OLFML2B: variants seen among roughly 807,000 people sequenced by gnomAD.
The protein encoded by OLFML2B is olfactomedin like 2B, also known as olfactomedin-like protein 2B.
Under a neutral mutation model 74.9 loss-of-function variants are expected in OLFML2B, and 57 were observed. The ratio of observed to expected loss-of-function variants is 0.76; its 90% CI spans 0.61 to 0.95. The LOEUF (loss-of-function observed/expected upper bound fraction) is 0.95, where lower values mean the gene tolerates loss of function less well. Among genes scored for constraint, OLFML2B ranks in the 40% least tolerant of loss-of-function variants. The probability of loss-of-function intolerance (pLI) is 0.00; values close to 1 mark genes in which losing one functional copy is unlikely to be tolerated. For missense variants in OLFML2B, 986 were observed against 970.6 expected, an observed-to-expected ratio of 1.02 and a Z score of -0.21; for synonymous variants, 388 against 405.8, an observed-to-expected ratio of 0.96 and a Z score of 0.53.
Position 162,023,595 on chromosome 1 carries a change from A to G in OLFML2B, c.-165T>C. ...TGAGCGGGACGGGAGGGTGCGCCCC[A>G]GAGACTCTGGGCATCTCCTTCCCGA... is the stretch of plus-strand genomic sequence containing the variant. On this transcript the variant is annotated 5_prime_UTR_variant, in exon 1 of 8. Transcript: ENST00000294794. 1 of 573,700 alleles carries G rather than the reference A, an allele frequency of 1.7e-6. No homozygotes were observed. Among genetic ancestry groups the G allele is most frequent in the Non-Finnish European group, 2.8e-6 (1 of 362,768 alleles). The allele number at this position is 573,700 out of a possible 1,614,324, so 35.5% of individuals were successfully genotyped here.
At chr1:161,985,532 T>C (rs1383850194) in intron 6 of OLFML2B, among the ~76,000 whole-genome samples, 1 of 152,204 alleles carries the variant, frequency 6.6e-6, no homozygotes, top group Admixed American at 6.5e-5. Context: ...AAATGTCTGA[T>C]CCCAGGGTGA....
In OLFML2B at chr1:161,983,631, G is replaced by T. The variant is rs1689488451; in HGVS notation, c.*44C>A. 6.4e-7 allele frequency: 1 copy of T among 1,573,880 alleles called. No individual in the cohort carries two copies. The highest frequency in any genetic ancestry group is 1.3e-5 in the African/African-American group (1 of 74,316). On this transcript the variant is annotated 3_prime_UTR_variant, in exon 8 of 8. Coordinates refer to ENST00000294794, the MANE Select transcript of OLFML2B (RefSeq NM_015441.3). ...GTGCGCGCACACACATACACACAAG[G>T]TGCTAGTGACCCCTCTGTGCTTCTG...
intron 4 of OLFML2B, among the ~76,000 whole-genome samples, chr1:162,005,014 C>T (rs908675541): frequency 1.3e-5 from 2 of 152,226 alleles, no homozygotes; most frequent in African/African-American, 4.8e-5. Flanking sequence ...TTGATCCAGA[C>T]CCATCTTGCT....
intron 3 of OLFML2B, among the ~76,000 whole-genome samples, chr1:162,016,418 C>T (rs546723076): frequency 1.1e-4 from 16 of 152,282 alleles, no homozygotes; most frequent in African/African-American, 3.6e-4. Flanking sequence ...AATCATAGAT[C>T]GAAGAACCTT....
At chr1:162,009,726 C>T (rs951084103) in intron 3 of OLFML2B, among the ~76,000 whole-genome samples, 34 of 152,156 alleles carry the variant, frequency 2.2e-4, no homozygotes, top group Admixed American at 6.5e-5. Flanking sequence ...AGCTGGTGTC[C>T]CCCAGGGCAG....
intron 1 of OLFML2B, among the ~76,000 whole-genome samples, chr1:162,020,907 C>T (rs943552697): frequency 9.2e-5 from 14 of 152,194 alleles, no homozygotes; most frequent in African/African-American, 3.4e-4. Context: ...ATCTCTCATT[C>T]ATTTATTCAA....
rs1214292383 is a variant in OLFML2B at position 161,984,223 on chromosome 1, C to T, written c.1705G>A (p.Val569Met). ...LPYSWIGTGH[V>M]VYNGAFYYNR... is the part of the protein sequence containing the mutation. Reference sequence around the variant, plus strand: ...TAGTAGAAGGCGCCATTGTATACCACGTGGCCTGTGCCGATCCAGCTGTAC... The same window carrying T: ...TAGTAGAAGGCGCCATTGTATACCATGTGGCCTGTGCCGATCCAGCTGTAC... The change falls in exon 8 of 8, where the codon GTG becomes ATG. Residue 569 changes from valine to methionine, a missense_variant. Physicochemically the swap from Val to Met is conservative, Grantham distance 21 (BLOSUM62 1). Coordinates refer to ENST00000294794, the MANE Select transcript of OLFML2B (RefSeq NM_015441.3). 11 of 1,558,342 alleles carry T rather than the reference C, an allele frequency of 7.1e-6. No individual in the cohort carries two copies. The highest frequency in any genetic ancestry group is 8.7e-6 in the Non-Finnish European group (10 of 1,153,460).
intron 4 of OLFML2B, among the ~76,000 whole-genome samples, chr1:162,005,731 T>C (rs1690205295): frequency 1.3e-5 from 2 of 151,892 alleles, no homozygotes; most frequent in South Asian, 4.2e-4. Context: ...CAAGACCCTG[T>C]ATTTACAAAA....
chr1:161,994,874 T>G (rs1275018180), intron 6 of OLFML2B, among the ~76,000 whole-genome samples: 1 of 152,212 alleles, frequency 6.6e-6, no homozygotes, highest in Non-Finnish European at 1.5e-5. Flanking sequence ...AACCATGGGA[T>G]AAAAATCTTT....
chr1:162,023,845 C>CGGCGCGGGCTGCTG lies in OLFML2B; in HGVS notation c.-429_-416dup, dbSNP rs1372350373. ...GACACGGGGAGGGAAGAGGCGGTGGCGGCGCGGGCTGCTGGGCGAGGGCTG... is the reference window on the plus strand; with the variant it reads ...GACACGGGGAGGGAAGAGGCGGTGGCGGCGCGGGCTGCTGGGCGCGGGCTGCTGGGCGAGGGCTG... On this transcript the variant is annotated 5_prime_UTR_variant, in exon 1 of 8. Transcript: ENST00000294794. The CGGCGCGGGCTGCTG allele has an allele frequency of 2.5e-5, 4 of 157,576 alleles. No homozygotes were observed. Among genetic ancestry groups the CGGCGCGGGCTGCTG allele is most frequent in the African/African-American group, 9.6e-5 (4 of 41,674 alleles). The allele number at this position is 157,576 out of a possible 1,614,324, so 9.8% of individuals were successfully genotyped here.
intron 3 of OLFML2B, among the ~76,000 whole-genome samples, chr1:162,006,836 A>G (rs1161733333): frequency 6.6e-6 from 1 of 152,172 alleles, no homozygotes; most frequent in Non-Finnish European, 1.5e-5. Flanking sequence ...AAAGAATTCC[A>G]TTCACTCGCA....
chr1:162,003,216 G>A (rs1383151038), intron 4 of OLFML2B, among the ~76,000 whole-genome samples: 1 of 152,158 alleles, frequency 6.6e-6, no homozygotes, highest in African/African-American at 2.4e-5. Flanking sequence ...TCATGGTCTG[G>A]CTCCTACCCA....
Position 161,983,566 on chromosome 1 carries a change from A to T in OLFML2B, c.*109T>A. On this transcript the variant is annotated 3_prime_UTR_variant, in exon 8 of 8. Coordinates refer to ENST00000294794, the MANE Select transcript of OLFML2B (RefSeq NM_015441.3). ...TTACATTTGCAATATTATACAAAAT[A>T]ATATATATTTTTAAACAACACATAC... The T allele has an allele frequency of 8.3e-7, 1 of 1,198,858 alleles. No homozygotes were observed. 74.3% of individuals were successfully genotyped at this position (1,198,858 alleles called of 1,614,324 possible). A position where few individuals can be genotyped will look rare whatever the true frequency, so the allele number is the denominator to read the frequency against.
Position 162,000,093 on chromosome 1 carries a change from C to T in OLFML2B, c.949+20G>A. On this transcript the variant is annotated intron_variant, in intron 5 of 7. Transcript: ENST00000294794. Reference sequence around the variant, plus strand: ...CCTCCCTACCCTGCCTCTGGGGCGGCCCTGTTGACCCCAACTCACGCTGCT... The same window carrying T: ...CCTCCCTACCCTGCCTCTGGGGCGGTCCTGTTGACCCCAACTCACGCTGCT... 4 of 1,560,250 alleles carry T rather than the reference C, an allele frequency of 2.6e-6. No individual in the cohort carries two copies. The highest frequency in any genetic ancestry group is 1.8e-5 in the Admixed American group (1 of 55,496).
Position 162,017,476 on chromosome 1 carries a change from GCTC to G in OLFML2B, c.467_469del (p.Gly156del), listed in dbSNP as rs1690573169. On this transcript the variant is annotated inframe_deletion, in exon 3 of 8. Transcript: ENST00000294794. ...CTTCAGGAGATCCAGGCCATAGAAC[GCTC>G]CTTCCAACATGTCTATGATTGTGGA... 1 of 1,613,014 alleles carries G rather than the reference GCTC, an allele frequency of 6.2e-7. No individual in the cohort carries two copies. The highest frequency in any genetic ancestry group is 8.5e-7 in the Non-Finnish European group (1 of 1,179,562).
intron 3 of OLFML2B, among the ~76,000 whole-genome samples, chr1:162,010,077 C>T (rs531001381): frequency 1.3e-5 from 2 of 152,160 alleles, no homozygotes; most frequent in Non-Finnish European, 2.9e-5. Flanking sequence ...AGCAAGTGTA[C>T]CCATGGCCCC....
chr1:162,012,955 G>A (rs901546283), intron 3 of OLFML2B, among the ~76,000 whole-genome samples: 3 of 152,166 alleles, frequency 2.0e-5, no homozygotes, highest in African/African-American at 7.2e-5. Context: ...GAAGCAGTAT[G>A]TGCTGCTAGG....
At chr1:162,005,168 C>A (rs1690184901) in intron 4 of OLFML2B, among the ~76,000 whole-genome samples, 1 of 152,260 alleles carries the variant, frequency 6.6e-6, no homozygotes, top group Non-Finnish European at 1.5e-5. Flanking sequence ...AATGGTAGCA[C>A]TTAACCATTA....
intron 6 of OLFML2B, among the ~76,000 whole-genome samples, chr1:161,989,025 C>CATCT (rs1488354718): frequency 1.3e-5 from 2 of 152,188 alleles, no homozygotes; most frequent in Non-Finnish European, 2.9e-5. Context: ...CACTGAGTAA[C>CATCT]ATCTTGACCC....
Sources: gnomAD v4.1 joint callset for allele counts (sites outside exome capture counted in the v4.1 genomes callset) on GRCh38, gnomAD v4.1.1 for gene constraint, MANE v1.5 for transcripts, NCBI Gene and HGNC (gene_info 2026-07-23, HGNC 2026-07-21) for gene names.